The following JAKMIP1 variants were observed in gnomAD, a reference collection of about 807,000 sequenced individuals.
JAKMIP1 encodes janus kinase and microtubule-interacting protein 1.
Under a neutral mutation model 113.0 loss-of-function variants are expected in JAKMIP1, and 33 were observed. That is an observed-to-expected ratio of 0.29 (90% confidence interval 0.22 to 0.39). The LOEUF is 0.39. Among genes scored for constraint, JAKMIP1 ranks in the 10% least tolerant of loss-of-function variants. The pLI, the probability that JAKMIP1 is intolerant of heterozygous loss-of-function variation, is 1.00. For synonymous variants in JAKMIP1, 480 were observed against 459.9 expected (o/e 1.04, Z -0.56); for missense variants, 813 against 1,080.5 (o/e 0.75, Z 3.47).
At chr4:6,148,781 A>T (rs1578386278) in intron 1 of JAKMIP1, among the ~76,000 whole-genome samples, 1 of 152,220 alleles carries the variant, frequency 6.6e-6, no homozygotes, top group Non-Finnish European at 1.5e-5. Flanking sequence ...GGCAGCCAGG[A>T]CCTCGTCTGC....
At position 6,155,649 on chromosome 4, in the gene JAKMIP1, A is replaced by C. The variant is rs1263506409; in HGVS notation, c.-147-42652T>G. Among the ~76,000 whole-genome samples, 1 of 152,248 alleles carries C rather than the reference A, an allele frequency of 6.6e-6. No individual in the cohort carries two copies. Among genetic ancestry groups the C allele is most frequent in the African/African-American group, 2.4e-5 (1 of 41,472 alleles). On this transcript the variant is annotated intron_variant, in intron 1 of 20. Transcript: ENST00000409021. The surrounding 1 kb of genome is among the most constrained non-coding windows in gnomAD (Gnocchi z 6.1). ...AGGGACATGCACGGATGTGCTGTTT[A>C]CAACAAGGAAAATAAGCAGCCAACT...
At position 6,153,228 on chromosome 4, in the gene JAKMIP1, C is replaced by T. The variant is rs1385294770; in HGVS notation, c.-147-40231G>A. Among the ~76,000 whole-genome samples the T allele has an allele frequency of 6.6e-6, 1 of 152,210 alleles. No homozygotes were observed. Among genetic ancestry groups the T allele is most frequent in the Non-Finnish European group, 1.5e-5 (1 of 68,036 alleles). On this transcript the variant is annotated intron_variant, in intron 1 of 20. Coordinates refer to ENST00000409021, the MANE Select transcript of JAKMIP1 (RefSeq NM_001099433.2). This position sits in a 1 kb window ranked among gnomAD's most constrained non-coding sequence, Gnocchi z 4.9. ...CTCACCATTCGACAGCACCCTGATT[C>T]CTACTCAGAGGCCCCAACGTCCCTG...
chr4:6,116,848 C>T lies in JAKMIP1; in HGVS notation c.-147-3851G>A, dbSNP rs1420929644. Among the ~76,000 whole-genome samples the T allele has an allele frequency of 2.0e-5, 3 of 152,192 alleles. No homozygotes were observed. The highest frequency in any genetic ancestry group is 4.4e-5 in the Non-Finnish European group (3 of 68,038). On this transcript the variant is annotated intron_variant, in intron 1 of 20. Transcript: ENST00000409021. The surrounding 1 kb of genome is among the most constrained non-coding windows in gnomAD (Gnocchi z 5.1). Reference sequence around the variant, plus strand: ...CTGGAAAGAACAAGTCTACAGGGCACTGTGATACACAGCTATCAAATATCA... The same window carrying T: ...CTGGAAAGAACAAGTCTACAGGGCATTGTGATACACAGCTATCAAATATCA...
chr4:6,111,586 G>C (rs1714939155), intron 2 of JAKMIP1, among the ~76,000 whole-genome samples: 1 of 152,238 alleles, frequency 6.6e-6, no homozygotes, highest in Non-Finnish European at 1.5e-5. Context: ...CAGATGAGAA[G>C]ACAGAGGTTT....
At chr4:6,101,877 G>T (rs1341358265) in intron 3 of JAKMIP1, among the ~76,000 whole-genome samples, 1 of 144,568 alleles carries the variant, frequency 6.9e-6, no homozygotes, top group Non-Finnish European at 1.5e-5. Flanking sequence ...CTGCACTCCA[G>T]CCTGAGCAAC....
rs1440749040 is a variant in JAKMIP1, at chr4:6,105,831, T to G, written c.266A>C (p.Glu89Ala). The change falls in exon 3 of 21, where the codon GAG becomes GCG. Residue 89 changes from glutamate to alanine, a missense_variant. By Grantham distance (107) the Glu-to-Ala change is moderately radical. Around this residue, in one of 2 missense-constraint regions of JAKMIP1, gnomAD observed 540 missense variants for 653.9 expected, o/e 0.83. Transcript: ENST00000409021. ...EKTKELQALREGLIRQHEQEA... is the reference protein window; with the variant it reads ...EKTKELQALRAGLIRQHEQEA... ...CTGCTCGTGCTGCCGGATGAGCCCC[T>G]CGCGCAGCGCCTGCAGCTCCTTGGT... 4 of 1,611,110 alleles carry G rather than the reference T, an allele frequency of 2.5e-6. No individual in the cohort carries two copies. Among genetic ancestry groups the G allele is most frequent in the Non-Finnish European group, 3.4e-6 (4 of 1,179,820 alleles).
At chr4:6,112,662 C>T in intron 2 of JAKMIP1, 60 bp downstream of exon 2, 1 of 1,581,690 alleles carries the variant, frequency 6.3e-7, no homozygotes. Flanking sequence ...GCCTCAGAGG[C>T]AACACTGCCC....
intron 17 of JAKMIP1, among the ~76,000 whole-genome samples, chr4:6,041,725 G>C (rs1432809840): frequency 2.6e-5 from 4 of 152,186 alleles, no homozygotes; most frequent in Non-Finnish European, 4.4e-5. Flanking sequence ...AGTTTCCCAA[G>C]TTTTCATGGC....
intron 18 of JAKMIP1, among the ~76,000 whole-genome samples, chr4:6,037,566 C>T (rs1383819021): frequency 1.6e-4 from 22 of 133,962 alleles, no homozygotes; most frequent in Non-Finnish European, 2.2e-4. Context: ...CCTCCATCAC[C>T]GAGGCAGAGG....
At position 6,192,236 on chromosome 4, in the gene JAKMIP1, G is replaced by A. The variant is rs1233745305; in HGVS notation, c.-148+8017C>T. ...GCGTGAGCCACCGCGCCTGGCCAGG[G>A]TGTATTTTTCACTCACAGTCCATCT... is the stretch of plus-strand genomic sequence containing the variant. On this transcript the variant is annotated intron_variant, in intron 1 of 20. Transcript: ENST00000409021. The surrounding 1 kb of genome is among the most constrained non-coding windows in gnomAD (Gnocchi z 5.0). Among the ~76,000 whole-genome samples the A allele has an allele frequency of 6.6e-6, 1 of 152,080 alleles. No homozygotes were observed. Among genetic ancestry groups the A allele is most frequent in the Non-Finnish European group, 1.5e-5 (1 of 68,000 alleles).
At chr4:6,173,814 G>A (rs959036863) in intron 1 of JAKMIP1, among the ~76,000 whole-genome samples, 2 of 152,172 alleles carry the variant, frequency 1.3e-5, no homozygotes, top group Non-Finnish European at 2.9e-5. Flanking sequence ...GGTGGCTCAC[G>A]CCTGTAATCC....
intron 8 of JAKMIP1, among the ~76,000 whole-genome samples, chr4:6,066,623 G>A (rs1051674169): frequency 5.3e-5 from 8 of 151,990 alleles, no homozygotes; most frequent in African/African-American, 1.7e-4. Flanking sequence ...AGTTGCCCAG[G>A]CCCCAATCCC....
intron 8 of JAKMIP1, among the ~76,000 whole-genome samples, chr4:6,077,987 G>A (rs2108814955): frequency 6.6e-6 from 1 of 152,262 alleles, no homozygotes; most frequent in South Asian, 2.1e-4. Context: ...AAGACCACAT[G>A]TCTTTGGCCA....
chr4:6,038,011 G>T (rs1482056323), intron 18 of JAKMIP1, among the ~76,000 whole-genome samples: 2 of 134,396 alleles, frequency 1.5e-5, no homozygotes, highest in Non-Finnish European at 3.1e-5. Context: ...TGAGGCAGAG[G>T]TTAACCCAGT....
chr4:6,168,672 T>TAA lies in JAKMIP1; in HGVS notation c.-148+31580_-148+31581insTT, dbSNP rs1723954971. On this transcript the variant is annotated intron_variant, in intron 1 of 20. Coordinates refer to ENST00000409021, the MANE Select transcript of JAKMIP1 (RefSeq NM_001099433.2). This position sits in a 1 kb window ranked among gnomAD's most constrained non-coding sequence, Gnocchi z 4.6. ...TTGGGAGGGCGAGGCGGGCAGATTT[T>TAA]TTGAGTCCAAGAGTCCAAGACCAGC... is the stretch of plus-strand genomic sequence containing the variant. Among the ~76,000 whole-genome samples, 1 of 152,006 alleles carries TAA rather than the reference T, an allele frequency of 6.6e-6. No individual in the cohort carries two copies. Among genetic ancestry groups the TAA allele is most frequent in the African/African-American group, 2.4e-5 (1 of 41,370 alleles).
In JAKMIP1 at chr4:6,066,952, T is replaced by G. The variant is rs143151180; in HGVS notation, c.1303-1944A>C. ...GGGGCCTTTGCGCTCCGAGACGCTC[T>G]TCCCCAGAATCCACATGTCTCCTTC... On this transcript the variant is annotated intron_variant, in intron 8 of 20. Coordinates refer to ENST00000409021, the MANE Select transcript of JAKMIP1 (RefSeq NM_001099433.2). Among the ~76,000 whole-genome samples, 145 of 152,236 alleles carry G rather than the reference T, an allele frequency of 9.5e-4. 1 individual carries two copies. The East Asian group carries it at 0.027, about 29-fold the overall frequency.
chr4:6,123,509 T>A (rs1197425889), intron 1 of JAKMIP1, among the ~76,000 whole-genome samples: 2 of 152,190 alleles, frequency 1.3e-5, no homozygotes, highest in African/African-American at 4.8e-5. Context: ...TAAAATAAAG[T>A]CTTTTAATAC....
At chr4:6,105,429 G>T in intron 3 of JAKMIP1, 44 bp downstream of exon 3, 2 of 1,527,484 alleles carry the variant, frequency 1.3e-6, no homozygotes, top group Non-Finnish European at 1.8e-6. Context: ...CGTGCAGGGA[G>T]GGAAGGCCGC....
At chr4:6,127,611 G>A (rs1048469086) in intron 1 of JAKMIP1, among the ~76,000 whole-genome samples, 50 of 152,288 alleles carry the variant, frequency 3.3e-4, no homozygotes, top group African/African-American at 7.2e-4. Context: ...GCCCCGCACC[G>A]TGTGAAGAGA....
Sources: gnomAD v4.1 joint callset for allele counts (sites outside exome capture counted in the v4.1 genomes callset) on GRCh38, gnomAD v4.1.1 for gene constraint, gnomAD v4.1.1 regional missense constraint, Gnocchi (gnomAD v3.1) non-coding constraint, MANE v1.5 for transcripts, NCBI Gene and HGNC (gene_info 2026-07-23, HGNC 2026-07-21) for gene names.